Variants in SS18L1 observed in about 807,000 individuals in gnomAD.
SS18L1 encodes the protein SS18L1 subunit of BAF chromatin remodeling complex.
Under a neutral mutation model 70.3 loss-of-function variants are expected in SS18L1, and 32 were observed. The ratio of observed to expected loss-of-function variants is 0.46; its 90% CI spans 0.34 to 0.61. The LOEUF (loss-of-function observed/expected upper bound fraction) is 0.61, where lower values mean the gene tolerates loss of function less well. Ranked by LOEUF, SS18L1 falls within the 20% of genes least tolerant of loss-of-function variation. The probability of loss-of-function intolerance (pLI) is 0.01; values close to 1 mark genes in which losing one functional copy is unlikely to be tolerated. For missense variants in SS18L1, 430 were observed against 542.1 expected, an observed-to-expected ratio of 0.79 and a Z score of 2.05; for synonymous variants, 237 against 229.7, an observed-to-expected ratio of 1.03 and a Z score of -0.29.
intron 1 of SS18L1, among the ~76,000 whole-genome samples, chr20:62,153,928 G>A (rs2057177891): frequency 6.6e-6 from 1 of 152,082 alleles, no homozygotes; most frequent in Non-Finnish European, 1.5e-5. Context: ...CCCTTCACTC[G>A]ACTGCTGGCA....
chr20:62,150,818 G>A (rs1277367355), intron 1 of SS18L1, among the ~76,000 whole-genome samples: 2 of 151,654 alleles, frequency 1.3e-5, no homozygotes, highest in Non-Finnish European at 2.9e-5. Flanking sequence ...AGGAAAGGGA[G>A]CTGTGTGGAG....
chr20:62,146,905 C>T (rs990679400), intron 1 of SS18L1, among the ~76,000 whole-genome samples: 1 of 152,136 alleles, frequency 6.6e-6, no homozygotes, highest in Admixed American at 6.5e-5. Context: ...GGATTACAGG[C>T]ATGAGCCACC....
chr20:62,162,677 T>G, intron 4 of SS18L1, 75 bp from the exon 5 acceptor site: 1 of 1,474,982 alleles, frequency 6.8e-7, no homozygotes, highest in South Asian at 1.3e-5. Flanking sequence ...TGAAGGGAAA[T>G]TGGGGTGTCT....
chr20:62,159,083 G>A lies in SS18L1; in HGVS notation c.146+335G>A. ...CGAGAGTCCCTGGCACAGCTGCGAA[G>A]CATTGCTGCCAGAACTGGGGTAGTT... On this transcript the variant is annotated intron_variant, in intron 2 of 10. Coordinates refer to ENST00000331758, the MANE Select transcript of SS18L1 (RefSeq NM_198935.3). This position sits in a 1 kb window ranked among gnomAD's most constrained non-coding sequence, Gnocchi z 4.4. 1 of 1,442,476 alleles carries A rather than the reference G, an allele frequency of 6.9e-7. No homozygotes were observed. Among genetic ancestry groups the A allele is most frequent in the South Asian group, 1.1e-5 (1 of 87,782 alleles). 89.4% of individuals were successfully genotyped at this position (1,442,476 alleles called of 1,614,324 possible).
intron 1 of SS18L1, among the ~76,000 whole-genome samples, chr20:62,156,150 C>T (rs1169460515): frequency 6.6e-6 from 1 of 152,162 alleles, no homozygotes; most frequent in Non-Finnish European, 1.5e-5. Context: ...GCTTGCGCCC[C>T]CCGGCCCATC....
intron 8 of SS18L1, among the ~76,000 whole-genome samples, chr20:62,166,731 C>G (rs1399259481): frequency 1.3e-5 from 2 of 151,374 alleles, no homozygotes; most frequent in Non-Finnish European, 2.9e-5. Context: ...TTGAGACCAG[C>G]CTGGCCAACA....
rs775710746 is a variant in SS18L1, at chr20:62,165,466, A to G, written c.868A>G (p.Ser290Gly). 6.2e-7 allele frequency: 1 copy of G among 1,613,240 alleles called. No individual in the cohort carries two copies. The highest frequency in any genetic ancestry group is 1.1e-5 in the South Asian group (1 of 91,020). ...CCAGCAGTCATCCTACACGGAGCAG[A>G]GCTACGACCGGTCCTTCGAGGAGTC... ...AYQQSSYTEQ[S>G]YDRSFEESTQ... is the part of the protein sequence containing the mutation. Residue 290 changes from serine (S) to glycine (G), a missense_variant, in exon 8 of 11, where the codon AGC becomes GGC. By Grantham distance (56) the Ser-to-Gly change is moderately conservative. Transcript: ENST00000331758.
chr20:62,144,727 G>A (rs1426639641), intron 1 of SS18L1, among the ~76,000 whole-genome samples: 1 of 152,250 alleles, frequency 6.6e-6, no homozygotes, highest in Non-Finnish European at 1.5e-5. Context: ...TTGAAATTGA[G>A]ACTTTGTATT....
chr20:62,157,804 G>A (rs571895990), intron 1 of SS18L1, among the ~76,000 whole-genome samples: 12 of 152,248 alleles, frequency 7.9e-5, no homozygotes, highest in African/African-American at 2.4e-4. Context: ...TGAGGGCTGC[G>A]GGGTGCCAGC....
At chr20:62,170,230 GCACGGTGGCT>G (rs2057506269) in intron 8 of SS18L1, among the ~76,000 whole-genome samples, 1 of 152,244 alleles carries the variant, frequency 6.6e-6, no homozygotes, top group Non-Finnish European at 1.5e-5. Context: ...AAAGAGCTGG[GCACGGTGGCT>G]CACGCCTGTA....
At chr20:62,179,130 T>C in intron 10 of SS18L1, 52 bp from the exon 11 acceptor site, 1 of 1,608,644 alleles carries the variant, frequency 6.2e-7, no homozygotes, top group Admixed American at 1.7e-5. Flanking sequence ...GACGTCTGTC[T>C]TCCTTTCACT....
chr20:62,148,651 C>T (rs558269744), intron 1 of SS18L1, among the ~76,000 whole-genome samples: 3 of 152,228 alleles, frequency 2.0e-5, no homozygotes, highest in East Asian at 1.9e-4. Flanking sequence ...GTGAGGGAGG[C>T]GCTCTGCAAG....
At chr20:62,169,825 G>T (rs1272817965) in intron 8 of SS18L1, among the ~76,000 whole-genome samples, 1 of 150,068 alleles carries the variant, frequency 6.7e-6, no homozygotes, top group Non-Finnish European at 1.5e-5. Context: ...AAACTGAAAG[G>T]ACCTCACTTT....
At chr20:62,144,659 G>A (rs1205995310) in intron 1 of SS18L1, among the ~76,000 whole-genome samples, 3 of 152,228 alleles carry the variant, frequency 2.0e-5, no homozygotes, top group African/African-American at 4.8e-5. Flanking sequence ...CGGCCTTGTG[G>A]TTTTCAAGAG....
At chr20:62,154,576 A>G (rs888404189) in intron 1 of SS18L1, 1 of 1,003,064 alleles carries the variant, frequency 1.0e-6, no homozygotes, top group African/African-American at 1.7e-5. Context: ...GGTATGGGAC[A>G]CAGCTCCTCC....
intron 1 of SS18L1, among the ~76,000 whole-genome samples, chr20:62,150,692 C>G (rs367562246): frequency 9.4e-6 from 1 of 106,018 alleles, no homozygotes; most frequent in Admixed American, 1.4e-4. Flanking sequence ...CTTGCTCTTT[C>G]GCCCAGGCTG....
At chr20:62,150,608 C>T (rs1036419293) in intron 1 of SS18L1, among the ~76,000 whole-genome samples, 7 of 138,168 alleles carry the variant, frequency 5.1e-5, no homozygotes, top group South Asian at 2.3e-4. Context: ...TGGAATTCTC[C>T]GGAGCATAAG....
chr20:62,174,902 T>C lies in SS18L1; in HGVS notation c.1164+258T>C, dbSNP rs919580827. 6.2e-5 allele frequency: 61 copies of C among 985,340 alleles called. No homozygotes were observed. Among genetic ancestry groups the C allele is most frequent in the Non-Finnish European group, 7.2e-5 (60 of 829,938 alleles). 61.0% of individuals were successfully genotyped at this position (985,340 alleles called of 1,614,324 possible). On this transcript the variant is annotated intron_variant, in intron 10 of 10. Coordinates refer to ENST00000331758, the MANE Select transcript of SS18L1 (RefSeq NM_198935.3). This position sits in a 1 kb window ranked among gnomAD's most constrained non-coding sequence, Gnocchi z 4.1. ...ACGCCTGGTTCTCACATTCATTCACTCTGCCAGTGTTTGTCACGTACTGGG... is the reference window on the plus strand; with the variant it reads ...ACGCCTGGTTCTCACATTCATTCACCCTGCCAGTGTTTGTCACGTACTGGG...
intron 1 of SS18L1, among the ~76,000 whole-genome samples, chr20:62,156,875 G>A (rs1568743842): frequency 1.3e-5 from 2 of 152,346 alleles, no homozygotes; most frequent in East Asian, 1.9e-4. Flanking sequence ...GACCCAGCAC[G>A]CTGTAGTGGA....
Sources: gnomAD v4.1 joint callset for allele counts (sites outside exome capture counted in the v4.1 genomes callset) on GRCh38, gnomAD v4.1.1 for gene constraint, Gnocchi (gnomAD v3.1) non-coding constraint, MANE v1.5 for transcripts, NCBI Gene and HGNC (gene_info 2026-07-23, HGNC 2026-07-21) for gene names.